Variants in RTKN2 observed in about 807,000 individuals in gnomAD.
RTKN2 encodes rhotekin 2, also known as rhotekin-2.
RTKN2 carries 69 observed loss-of-function variants against 71.5 expected under a neutral mutation model. That is an observed-to-expected ratio of 0.96 (90% CI 0.79 to 1.18). The LOEUF (loss-of-function observed/expected upper bound fraction) is 1.18, where lower values mean the gene tolerates loss of function less well. Among genes scored for constraint, RTKN2 ranks in the 50% most tolerant of loss-of-function variants. The pLI is 0.00. For synonymous variants in RTKN2, 236 were observed against 236.5 expected, an observed-to-expected ratio of 1.00 and a Z score of 0.02; for missense variants, 724 against 719.7, an observed-to-expected ratio of 1.01 and a Z score of -0.07.
At chr10:62,204,304 A>C (rs1210528210) in intron 10 of RTKN2, among the ~76,000 whole-genome samples, 1 of 152,204 alleles carries the variant, frequency 6.6e-6, no homozygotes, top group Non-Finnish European at 1.5e-5. Context: ...TATACACTAG[A>C]GCCCTATTAC....
chr10:62,245,679 G>A (rs1842464868), intron 3 of RTKN2, among the ~76,000 whole-genome samples: 1 of 152,134 alleles, frequency 6.6e-6, no homozygotes, highest in Non-Finnish European at 1.5e-5. Context: ...GAAAGGAACA[G>A]AGTCAAAAGA....
At chr10:62,266,694 G>A (rs577376132) in intron 1 of RTKN2, among the ~76,000 whole-genome samples, 3 of 152,328 alleles carry the variant, frequency 2.0e-5, no homozygotes, top group Admixed American at 2.0e-4. Flanking sequence ...CCACTCAGAT[G>A]AATAGGACAA....
At chr10:62,245,440 AG>A (rs1201054006) in intron 3 of RTKN2, among the ~76,000 whole-genome samples, 4 of 152,146 alleles carry the variant, frequency 2.6e-5, no homozygotes, top group Non-Finnish European at 4.4e-5. Flanking sequence ...AGATATGACT[AG>A]AAAAAAAATT....
In RTKN2 at chr10:62,199,768, A is replaced by T. The variant is rs760310796; in HGVS notation, c.1280T>A (p.Val427Asp). ...PLFLTKEATS[V>D]YHDMSIDSPM... ...ACCCCACTTACTCATATCATGGTAG[A>T]CTGAGGTTGCCTCTTTTGTCAAGAA... Residue 427 changes from valine (V) to aspartate (D), a missense_variant, in exon 11 of 12, where the codon GTC (valine) becomes GAC (aspartate). Transcript: ENST00000373789. 1 of 1,608,178 alleles carries T rather than the reference A, an allele frequency of 6.2e-7. No individual in the cohort carries two copies. The highest frequency in any genetic ancestry group is 1.7e-5 in the Admixed American group (1 of 59,960).
At chr10:62,215,197 C>T (rs914178268) in intron 9 of RTKN2, 8 of 607,640 alleles carry the variant, frequency 1.3e-5, no homozygotes, top group Admixed American at 1.1e-4. Context: ...TACTCCTCAG[C>T]TATTTAGTAA....
intron 9 of RTKN2, among the ~76,000 whole-genome samples, chr10:62,213,212 G>A (rs1006161925): frequency 6.6e-6 from 1 of 152,136 alleles, no homozygotes; most frequent in Admixed American, 6.6e-5. Context: ...GTGAAAGATT[G>A]TTAGAAAACA....
chr10:62,239,112 A>ATT, intron 5 of RTKN2: 1 of 151,018 alleles, frequency 6.6e-6, no homozygotes, highest in Non-Finnish European at 1.5e-5. Context: ...GAGATCACCC[A>ATT]TTTTTTTTTA....
In RTKN2 at chr10:62,199,990, G is replaced by A. The variant is rs561159632; in HGVS notation, c.1187-129C>T. 822 of 576,044 alleles carry A rather than the reference G, an allele frequency of 1.4e-3. 2 individuals are homozygous for A. The highest frequency in any genetic ancestry group is 2.0e-3 in the Non-Finnish European group (666 of 326,852). The allele number at this position is 576,044 out of a possible 1,614,324, so 35.7% of individuals were successfully genotyped here. A position where few individuals can be genotyped will look rare whatever the true frequency, so the allele number is the denominator to read the frequency against. On this transcript the variant is annotated intron_variant, in intron 10 of 11. Coordinates refer to ENST00000373789, the MANE Select transcript of RTKN2 (RefSeq NM_145307.4). ...AGTGAATTTATACATAAAGCACTGCGTTAAGGGAGGCTTGCAGAAAAACCT... is the reference window on the plus strand; with the variant it reads ...AGTGAATTTATACATAAAGCACTGCATTAAGGGAGGCTTGCAGAAAAACCT...
intron 7 of RTKN2, among the ~76,000 whole-genome samples, chr10:62,220,549 C>T (rs1640062444): frequency 6.6e-6 from 1 of 152,094 alleles, no homozygotes; most frequent in African/African-American, 2.4e-5. Context: ...TTGAAAAGTA[C>T]ATCATAAAGA....
chr10:62,266,206 A>G (rs1427236073), intron 1 of RTKN2, among the ~76,000 whole-genome samples: 1 of 152,230 alleles, frequency 6.6e-6, no homozygotes, highest in East Asian at 1.9e-4. Context: ...CCTTAAAAAC[A>G]GAAATTTAGG....
downstream of RTKN2, among the ~76,000 whole-genome samples, chr10:62,191,442 G>A (rs992102883): frequency 6.6e-6 from 1 of 152,184 alleles, no homozygotes; most frequent in East Asian, 1.9e-4. Context: ...ACCGTGCCCA[G>A]CCTTAACTCA....
rs1841305947 is a variant in RTKN2 at position 62,195,536 on chromosome 10, G to T, written c.*2372C>A. The T allele has an allele frequency of 1.4e-6, 1 of 699,920 alleles. No individual in the cohort carries two copies. Among genetic ancestry groups the T allele is most frequent in the Admixed American group, 6.4e-5 (1 of 15,608 alleles). 43.4% of individuals were successfully genotyped at this position (699,920 alleles called of 1,614,324 possible). A position where few individuals can be genotyped will look rare whatever the true frequency, so the allele number is the denominator to read the frequency against. ...ATGAGACAGAGAGAGAGGACAGGGG[G>T]CCAGAGAAAGAAACAAAGACAAAAA... is the stretch of plus-strand genomic sequence containing the variant. On this transcript the variant is annotated 3_prime_UTR_variant, in exon 12 of 12. Coordinates refer to ENST00000373789, the MANE Select transcript of RTKN2 (RefSeq NM_145307.4).
chr10:62,219,036 T>C (rs894867031), intron 7 of RTKN2, among the ~76,000 whole-genome samples: 2 of 148,694 alleles, frequency 1.3e-5, no homozygotes, highest in Admixed American at 1.4e-4. Context: ...GAACTTAAGA[T>C]AACTTCATCA....
chr10:62,184,508 T>G (rs1003474334), intron 8 of RTKN2: 3 of 573,510 alleles, frequency 5.2e-6, no homozygotes, highest in Non-Finnish European at 9.1e-6. Context: ...TCAGGAAAAA[T>G]GAGTTGTCTT....
At chr10:62,237,108 T>TAATTTTAA (rs1564518024) in intron 5 of RTKN2, among the ~76,000 whole-genome samples, 2 of 151,926 alleles carry the variant, frequency 1.3e-5, no homozygotes, top group African/African-American at 4.8e-5. Flanking sequence ...TTTTGTTAAA[T>TAATTTTAA]AGATTTTAGC....
intron 3 of RTKN2, among the ~76,000 whole-genome samples, chr10:62,242,490 T>C (rs987530914): frequency 1.3e-5 from 2 of 152,180 alleles, no homozygotes; most frequent in Non-Finnish European, 2.9e-5. Context: ...TAATTAGTTA[T>C]TGTTGATTTT....
chr10:62,190,619 T>C (rs1841206704), downstream of RTKN2, among the ~76,000 whole-genome samples: 1 of 152,122 alleles, frequency 6.6e-6, no homozygotes, highest in Non-Finnish European at 1.5e-5. Flanking sequence ...TAACTAGCCA[T>C]GTTGTCTAGA....
At chr10:62,239,044 G>A (rs1352684797) in intron 5 of RTKN2, 2 of 151,882 alleles carry the variant, frequency 1.3e-5, no homozygotes, top group Non-Finnish European at 2.9e-5. Flanking sequence ...TTCTTGTTCT[G>A]TATTATGACC....
chr10:62,211,347 T>C (rs1250244307), intron 9 of RTKN2, among the ~76,000 whole-genome samples: 1 of 152,218 alleles, frequency 6.6e-6, no homozygotes, highest in Non-Finnish European at 1.5e-5. Context: ...AATGTGACTA[T>C]TTCCACAGAT....
Sources: gnomAD v4.1 joint callset for allele counts (sites outside exome capture counted in the v4.1 genomes callset) on GRCh38, gnomAD v4.1.1 for gene constraint, MANE v1.5 for transcripts, NCBI Gene and HGNC (gene_info 2026-07-23, HGNC 2026-07-21) for gene names.